MATCAP2: variants seen among roughly 807,000 people sequenced by gnomAD.
The protein encoded by MATCAP2 is putative tyrosine carboxypeptidase MATCAP2.
chr7:36,376,969 T>C, the MATCAP2 span, among the ~76,000 whole-genome samples: 13 of 152,316 alleles, frequency 8.5e-5, no homozygotes, highest in Middle Eastern at 3.4e-3. Context: ...TCTTCCTCCA[T>C]CCTTTATTTT....
chr7:36,331,079 C>A, the MATCAP2 span: 7 of 1,582,992 alleles, frequency 4.4e-6, no homozygotes, highest in African/African-American at 4.0e-5. Context: ...ACTAAAACAC[C>A]CTGGAGGAAC....
At chr7:36,339,137 T>A in the MATCAP2 span, among the ~76,000 whole-genome samples, 5 of 152,328 alleles carry the variant, frequency 3.3e-5, no homozygotes, top group Admixed American at 1.3e-4. Flanking sequence ...ACCTTTTTTT[T>A]AAGTATTTTT....
the MATCAP2 span, among the ~76,000 whole-genome samples, chr7:36,381,479 T>C: frequency 6.6e-6 from 1 of 152,188 alleles, no homozygotes; most frequent in African/African-American, 2.4e-5. Flanking sequence ...GAGACCAGCC[T>C]GGCCAACATG....
the MATCAP2 span, among the ~76,000 whole-genome samples, chr7:36,387,867 CG>C: frequency 6.6e-6 from 1 of 152,022 alleles, no homozygotes; most frequent in Non-Finnish European, 1.5e-5. Flanking sequence ...CATTTTCCAA[CG>C]TTGTTTAAAA....
chr7:36,354,343 T>C, the MATCAP2 span, among the ~76,000 whole-genome samples: 2 of 152,258 alleles, frequency 1.3e-5, no homozygotes, highest in Non-Finnish European at 2.9e-5. Flanking sequence ...TCGGTTCCAC[T>C]GTGGCAGACT....
the MATCAP2 span, among the ~76,000 whole-genome samples, chr7:36,346,739 G>T: frequency 6.6e-6 from 1 of 152,140 alleles, no homozygotes; most frequent in Non-Finnish European, 1.5e-5. Context: ...AAAAACCACT[G>T]AACTGTACTC....
the MATCAP2 span, among the ~76,000 whole-genome samples, chr7:36,377,683 T>A: frequency 6.6e-6 from 1 of 152,204 alleles, no homozygotes. Flanking sequence ...CTGGATAATA[T>A]CCTGGGGAGT....
chr7:36,386,879 A>C, the MATCAP2 span, among the ~76,000 whole-genome samples: 1 of 152,190 alleles, frequency 6.6e-6, no homozygotes, highest in African/African-American at 2.4e-5. Context: ...GTTTATTTTT[A>C]ATATCTGGTA....
chr7:36,385,224 C>A, the MATCAP2 span, among the ~76,000 whole-genome samples: 1 of 152,156 alleles, frequency 6.6e-6, no homozygotes, highest in Non-Finnish European at 1.5e-5. Context: ...ATTGCTGTCA[C>A]AAAGATGCGA....
chr7:36,326,865 C>T, the MATCAP2 span: 9 of 1,614,014 alleles, frequency 5.6e-6, no homozygotes, highest in South Asian at 9.9e-5. Flanking sequence ...GAGGGACCCT[C>T]ATGTTTTCGG....
the MATCAP2 span, chr7:36,357,580 G>A: frequency 6.2e-6 from 10 of 1,603,966 alleles, no homozygotes; most frequent in East Asian, 2.2e-4. Context: ...GCTCAGGCCA[G>A]TGAAGCTTTT....
chr7:36,347,880 A>C, the MATCAP2 span, among the ~76,000 whole-genome samples: 4 of 152,166 alleles, frequency 2.6e-5, no homozygotes, highest in African/African-American at 9.7e-5. Context: ...CTAGGATCTC[A>C]AGACAGTCCT....
the MATCAP2 span, among the ~76,000 whole-genome samples, chr7:36,333,032 A>G: frequency 6.6e-6 from 1 of 152,102 alleles, no homozygotes; most frequent in Non-Finnish European, 1.5e-5. Flanking sequence ...TAAAACTCCC[A>G]TCTCCCTGGG....
At chr7:36,389,761 C>A in the MATCAP2 span, 2 of 458,522 alleles carry the variant, frequency 4.4e-6, no homozygotes, top group South Asian at 4.3e-5. Flanking sequence ...GGCGCGGCCA[C>A]GTGACCGAGC....
At chr7:36,357,556 C>T in the MATCAP2 span, 4 of 1,613,374 alleles carry the variant, frequency 2.5e-6, no homozygotes, top group South Asian at 2.2e-5. Flanking sequence ...GAATAGACTT[C>T]TTAGCAAGTT....
the MATCAP2 span, among the ~76,000 whole-genome samples, chr7:36,352,206 G>A: frequency 6.6e-6 from 1 of 151,494 alleles, no homozygotes; most frequent in Non-Finnish European, 1.5e-5. Flanking sequence ...CACCAGCCTG[G>A]CCAACATGGC....
At chr7:36,356,841 G>C in the MATCAP2 span, 1 of 1,334,312 alleles carries the variant, frequency 7.5e-7, no homozygotes, top group Non-Finnish European at 1.1e-6. Context: ...TTGCTTATAA[G>C]ATCACAGATA....
At chr7:36,334,535 CAAAAAAAAAAAAAAA>C in the MATCAP2 span, among the ~76,000 whole-genome samples, 10 of 49,522 alleles carry the variant, frequency 2.0e-4, no homozygotes, top group African/African-American at 5.5e-4. Flanking sequence ...GATCCCATCT[CAAAAAAAAAAAAAAA>C]AAAAAAAAAA....
the MATCAP2 span, chr7:36,389,905 G>GT: frequency 1.9e-6 from 3 of 1,570,574 alleles, no homozygotes; most frequent in South Asian, 3.3e-5. Flanking sequence ...GCTGGTTGTG[G>GT]GAGAGTTCCC....
Sources: allele counts gnomAD v4.1 joint callset (sites outside exome capture counted in the v4.1 genomes callset), GRCh38; gene constraint gnomAD v4.1.1; transcripts MANE v1.5; gene names NCBI Gene and HGNC (gene_info 2026-07-23, HGNC 2026-07-21).